TEX9: variants seen among roughly 807,000 people sequenced by gnomAD.
TEX9 encodes the protein testis expressed 9, also known as testis-expressed protein 9.
Under a neutral mutation model 59.6 loss-of-function variants are expected in TEX9, and 74 were observed. That is an observed-to-expected ratio of 1.24 (90% confidence interval 1.03 to 1.51). The LOEUF (loss-of-function observed/expected upper bound fraction) is 1.51, where lower values mean the gene tolerates loss of function less well. TEX9 is among the 40% of genes most tolerant of loss of function. The probability of loss-of-function intolerance (pLI) is 0.00; values close to 1 mark genes in which losing one functional copy is unlikely to be tolerated. For missense variants in TEX9, 522 were observed against 447.8 expected (o/e 1.17, Z -1.49); for synonymous variants, 186 against 152.2 (o/e 1.22, Z -1.64).
At chr15:56,404,962 C>G (rs1227618152) in intron 9 of TEX9, among the ~76,000 whole-genome samples, 1 of 152,152 alleles carries the variant, frequency 6.6e-6, no homozygotes. Flanking sequence ...GCGGGAACAT[C>G]ACACACCAGG....
In TEX9 at chr15:56,436,704, C is replaced by T. The variant is rs187470676; in HGVS notation, c.*29+8231C>T. Among the ~76,000 whole-genome samples, 444 of 151,974 alleles carry T rather than the reference C, an allele frequency of 2.9e-3. 6 individuals are homozygous for T. The highest frequency in any genetic ancestry group is 7.2e-3 in the African/African-American group (297 of 41,448). On this transcript the variant is annotated intron_variant, in intron 12 of 12. Transcript: ENST00000352903. Reference sequence around the variant, plus strand: ...GAGAAGATCAACAAAATTGATAGACCGCTAGCAAGACTCATAACAAAGAAA... The same window carrying T: ...GAGAAGATCAACAAAATTGATAGACTGCTAGCAAGACTCATAACAAAGAAA...
At chr15:56,399,122 A>T (rs1418211601) in intron 9 of TEX9, among the ~76,000 whole-genome samples, 1 of 152,232 alleles carries the variant, frequency 6.6e-6, no homozygotes, top group Non-Finnish European at 1.5e-5. Flanking sequence ...CAGTGGGTGC[A>T]GCCCACGGAG....
intron 1 of TEX9, among the ~76,000 whole-genome samples, chr15:56,331,275 G>A (rs1440509080): frequency 6.6e-6 from 1 of 152,160 alleles, no homozygotes. Context: ...GGAAACATCA[G>A]ACTTAGTCTG....
chr15:56,428,787 C>T (rs991844969), intron 12 of TEX9: 1 of 353,886 alleles, frequency 2.8e-6, no homozygotes, highest in East Asian at 5.1e-5. Context: ...TTCGTAAACA[C>T]AGACAGAAGG....
chr15:56,381,467 TG>T (rs1271743437), intron 3 of TEX9, among the ~76,000 whole-genome samples: 2 of 152,218 alleles, frequency 1.3e-5, no homozygotes, highest in African/African-American at 2.4e-5. Context: ...TGTAGATGTT[TG>T]TCACTGTCTA....
chr15:56,413,193 A>ATTT (rs1197332165), intron 10 of TEX9, among the ~76,000 whole-genome samples: 3 of 43,958 alleles, frequency 6.8e-5, no homozygotes, highest in African/African-American at 2.2e-4. Context: ...TTTAATAATT[A>ATTT]AATATTTAAT....
At position 56,376,965 on chromosome 15, in the gene TEX9, G is replaced by A. The variant is rs756051163; in HGVS notation, c.183+3461G>A. On this transcript the variant is annotated intron_variant, in intron 3 of 12. Transcript: ENST00000352903. ...GGTAGGGGTCTAGTCTTCTTCTTCTGCATGTGGATATTCCGTTTTCCCAGC... is the reference window on the plus strand; with the variant it reads ...GGTAGGGGTCTAGTCTTCTTCTTCTACATGTGGATATTCCGTTTTCCCAGC... 3.3e-5 allele frequency among the ~76,000 whole-genome samples: 5 copies of A among 152,216 alleles called. No individual in the cohort carries two copies. In the South Asian group the frequency reaches 1.0e-3, roughly 32 times the overall value.
rs568658834 is a variant in TEX9 at position 56,273,241 on chromosome 15, G to A, written c.-107+28963G>A. On this transcript the variant is annotated intron_variant, in intron 1 of 5. Coordinates refer to the TEX9 transcript ENST00000560827. ...GTACTGGGATTGCAGTACCACACCC[G>A]GCCGAATTGTGTATTTTTTTTAACT... Among the ~76,000 whole-genome samples, 203 of 152,038 alleles carry A rather than the reference G, an allele frequency of 1.3e-3. 1 individual carries two copies. Among genetic ancestry groups the A allele is most frequent in the Admixed American group, 1.7e-3 (26 of 15,268 alleles).
chr15:56,281,482 G>A (rs1163114250), intron 1 of TEX9, among the ~76,000 whole-genome samples: 1 of 152,160 alleles, frequency 6.6e-6, no homozygotes, highest in East Asian at 1.9e-4. Flanking sequence ...TAGGTTGTGC[G>A]CTCCTTATGA....
At chr15:56,318,338 A>C (rs1193568043) in intron 1 of TEX9, among the ~76,000 whole-genome samples, 2 of 151,798 alleles carry the variant, frequency 1.3e-5, no homozygotes, top group African/African-American at 4.8e-5. Flanking sequence ...TTTTTTGTTT[A>C]CTGTTTGCAT....
chr15:56,261,570 T>C (rs2044267822), intron 1 of TEX9, among the ~76,000 whole-genome samples: 1 of 151,572 alleles, frequency 6.6e-6, no homozygotes, highest in African/African-American at 2.4e-5. Flanking sequence ...ATACAAAAAT[T>C]AGCCAGGCGC....
In TEX9 at chr15:56,358,242, C is replaced by G. The variant is rs1020558827; in HGVS notation, c.-106-15199C>G. Among the ~76,000 whole-genome samples the G allele has an allele frequency of 5.3e-5, 8 of 151,940 alleles. No individual in the cohort carries two copies. The East Asian group carries it at 9.7e-4, about 18-fold the overall frequency. On this transcript the variant is annotated intron_variant, in intron 1 of 5. Transcript: ENST00000560827. The stretch of plus-strand genomic sequence containing the variant: ...TCTTAAATGCCTACTATCAGAAGAT[C>G]TTGTTTATTTGTGGGGAAGAGATCT...
At chr15:56,279,424 C>G (rs993647006) in intron 1 of TEX9, among the ~76,000 whole-genome samples, 2 of 152,152 alleles carry the variant, frequency 1.3e-5, no homozygotes, top group African/African-American at 4.8e-5. Flanking sequence ...TCAAGGGAAT[C>G]AACAAGATGG....
At chr15:56,365,924 C>A (rs973280972) in intron 2 of TEX9, 22 of 1,308,138 alleles carry the variant, frequency 1.7e-5, no homozygotes, top group Non-Finnish European at 2.0e-5. Flanking sequence ...AAAACGTAGC[C>A]CAAGTAAACA....
At chr15:56,253,212 G>A (rs1351549615) in intron 1 of TEX9, among the ~76,000 whole-genome samples, 13 of 152,082 alleles carry the variant, frequency 8.5e-5, no homozygotes, top group Non-Finnish European at 1.6e-4. Context: ...CAAACTCTGC[G>A]TGTTTGAAAT....
At chr15:56,381,126 A>G (rs565619618) in intron 3 of TEX9, among the ~76,000 whole-genome samples, 3 of 151,572 alleles carry the variant, frequency 2.0e-5, no homozygotes, top group African/African-American at 7.3e-5. Context: ...TCTCCTCTGT[A>G]TTTTCAAATA....
chr15:56,394,861 T>C (rs755219978), intron 9 of TEX9, 27 bp downstream of exon 9: 2 of 1,590,446 alleles, frequency 1.3e-6, no homozygotes. Context: ...TTTCCTAACT[T>C]AATGCCACAG....
intron 1 of TEX9, among the ~76,000 whole-genome samples, chr15:56,348,423 G>A (rs1245280113): frequency 1.3e-5 from 2 of 152,136 alleles, no homozygotes; most frequent in Non-Finnish European, 2.9e-5. Context: ...ATTCTTTGTA[G>A]TATAAGTGAC....
chr15:56,447,708 T>A (rs1321219138), downstream of TEX9: 10 of 152,206 alleles, frequency 6.6e-5, no homozygotes, highest in African/African-American at 2.4e-4. Flanking sequence ...TACAGTTTGA[T>A]AAGTTTTTAC....
Sources: allele counts gnomAD v4.1 joint callset (sites outside exome capture counted in the v4.1 genomes callset), GRCh38; gene constraint gnomAD v4.1.1; transcripts MANE v1.5; gene names NCBI Gene and HGNC (gene_info 2026-07-23, HGNC 2026-07-21).